Variants in VWC2L observed in about 807,000 individuals in gnomAD.
VWC2L encodes von Willebrand factor C domain-containing protein 2-like.
Under a neutral mutation model 21.6 loss-of-function variants are expected in VWC2L, and 10 were observed. The ratio of observed to expected loss-of-function variants is 0.46; its 90% CI spans 0.29 to 0.78. VWC2L has a LOEUF of 0.78. VWC2L is among the 30% of genes least tolerant of loss of function. The pLI is 0.10. For synonymous variants in VWC2L, 96 were observed against 94.3 expected, an observed-to-expected ratio of 1.02 and a Z score of -0.10; for missense variants, 209 against 277.1, an observed-to-expected ratio of 0.75 and a Z score of 1.74.
chr2:214,467,988 C>T (rs1703244220), intron 3 of VWC2L, among the ~76,000 whole-genome samples: 1 of 151,902 alleles, frequency 6.6e-6, no homozygotes, highest in African/African-American at 2.4e-5. Flanking sequence ...TCAACAAAGA[C>T]AGAAAATAAA....
Position 214,442,456 on chromosome 2 carries a change from T to A in VWC2L, c.520+5698T>A, listed in dbSNP as rs201548288. 4.1e-3 allele frequency among the ~76,000 whole-genome samples: 627 copies of A among 152,274 alleles called. 14 individuals are homozygous for A. Among genetic ancestry groups the A allele is most frequent in the Admixed American group, 0.036 (554 of 15,300 alleles). Reference sequence around the variant, plus strand: ...ATTATTATCTCACTAAAAAATCAAATTAGATTATTTTTAAACCCCTTTTTA... The same window carrying A: ...ATTATTATCTCACTAAAAAATCAAAATAGATTATTTTTAAACCCCTTTTTA... On this transcript the variant is annotated intron_variant, in intron 3 of 3. Transcript: ENST00000312504.
chr2:214,476,089 T>C (rs894240307), intron 3 of VWC2L, among the ~76,000 whole-genome samples: 7 of 152,200 alleles, frequency 4.6e-5, no homozygotes, highest in African/African-American at 1.7e-4. Flanking sequence ...TTTTCTCATG[T>C]GTTATCCAGG....
chr2:214,467,186 T>C lies in VWC2L; in HGVS notation c.520+30428T>C, dbSNP rs79686358. ...AGTATACCCAATACTCTTTTAATCA[T>C]AAGGCTTTCTAATGTAGCTAGCTGG... On this transcript the variant is annotated intron_variant, in intron 3 of 3. Coordinates refer to ENST00000312504, the MANE Select transcript of VWC2L (RefSeq NM_001080500.4). Among the ~76,000 whole-genome samples, 652 of 152,316 alleles carry C rather than the reference T, an allele frequency of 4.3e-3. 4 individuals are homozygous for C. The highest frequency in any genetic ancestry group is 0.011 in the Admixed American group (175 of 15,294).
Position 214,441,405 on chromosome 2 carries a change from T to TA in VWC2L, c.520+4653dup, listed in dbSNP as rs144482684. 3.8e-3 allele frequency among the ~76,000 whole-genome samples: 575 copies of TA among 152,044 alleles called. 8 individuals are homozygous for TA. The highest frequency in any genetic ancestry group is 0.013 in the African/African-American group (560 of 41,536). ...GAAAATGAATTGTCTAATAAATATATAAAAAATATATAATAATCACCAAAT... is the reference window on the plus strand; with the variant it reads ...GAAAATGAATTGTCTAATAAATATATAAAAAAATATATAATAATCACCAAAT... On this transcript the variant is annotated intron_variant, in intron 3 of 3. Coordinates refer to ENST00000312504, the MANE Select transcript of VWC2L (RefSeq NM_001080500.4).
At chr2:214,413,617 C>T (rs770789650) in intron 1 of VWC2L, among the ~76,000 whole-genome samples, 2 of 152,082 alleles carry the variant, frequency 1.3e-5, no homozygotes, top group Non-Finnish European at 2.9e-5. Flanking sequence ...TAGCTCCTTC[C>T]TAAATATAAT....
chr2:214,498,241 G>A (rs1474553107), intron 3 of VWC2L, among the ~76,000 whole-genome samples: 1 of 152,132 alleles, frequency 6.6e-6, no homozygotes, highest in Non-Finnish European at 1.5e-5. Flanking sequence ...TAGGTTCTGG[G>A]CAGCAGCTTC....
At chr2:214,513,447 A>G (rs1574608125) in intron 3 of VWC2L, among the ~76,000 whole-genome samples, 1 of 152,256 alleles carries the variant, frequency 6.6e-6, no homozygotes, top group Middle Eastern at 3.4e-3. Context: ...TTTTACCATT[A>G]GGCTGTTATC....
chr2:214,430,401 T>C (rs1339042027), intron 2 of VWC2L, among the ~76,000 whole-genome samples: 1 of 152,190 alleles, frequency 6.6e-6, no homozygotes, highest in Admixed American at 6.5e-5. Context: ...TTTAAAAACA[T>C]CAAAATATGT....
At chr2:214,567,625 A>G (rs1690088677) in intron 3 of VWC2L, among the ~76,000 whole-genome samples, 1 of 148,526 alleles carries the variant, frequency 6.7e-6, no homozygotes, top group African/African-American at 2.5e-5. Context: ...GATAATTAAA[A>G]CATCATAGCC....
rs186469117 is a variant in VWC2L at position 214,449,998 on chromosome 2, G to A, written c.520+13240G>A. ...ATAATTAGATAGTTGGCAGTGTTGC[G>A]TCCAAATTTTGAAAGCCTCCTGCTC... is the stretch of plus-strand genomic sequence containing the variant. On this transcript the variant is annotated intron_variant, in intron 3 of 3. Transcript: ENST00000312504. Among the ~76,000 whole-genome samples the A allele has an allele frequency of 4.6e-5, 7 of 152,234 alleles. No individual in the cohort carries two copies. In the South Asian group the frequency reaches 6.2e-4, roughly 14 times the overall value.
chr2:214,454,608 T>TTTTC (rs1489804681), intron 3 of VWC2L, among the ~76,000 whole-genome samples: 3 of 133,430 alleles, frequency 2.2e-5, no homozygotes, highest in Non-Finnish European at 4.8e-5. Flanking sequence ...CTTTTTTTTT[T>TTTTC]TTTTTTTTTT....
chr2:214,448,583 A>G (rs1702907554), intron 3 of VWC2L, among the ~76,000 whole-genome samples: 1 of 152,182 alleles, frequency 6.6e-6, no homozygotes, highest in African/African-American at 2.4e-5. Flanking sequence ...TCTAGCTTGA[A>G]CTTTTACTGT....
intron 3 of VWC2L, among the ~76,000 whole-genome samples, chr2:214,483,934 G>C (rs1688641578): frequency 6.6e-6 from 1 of 152,128 alleles, no homozygotes; most frequent in Admixed American, 6.5e-5. Flanking sequence ...GAAGATGGAA[G>C]TCTCAAATGA....
intron 3 of VWC2L, among the ~76,000 whole-genome samples, chr2:214,551,357 A>G (rs1434311633): frequency 6.6e-6 from 1 of 152,192 alleles, no homozygotes; most frequent in African/African-American, 2.4e-5. Context: ...TTGAGCTGTA[A>G]TAAATTTAGT....
At chr2:214,557,271 A>G (rs1689887777) in intron 3 of VWC2L, among the ~76,000 whole-genome samples, 1 of 152,142 alleles carries the variant, frequency 6.6e-6, no homozygotes, top group South Asian at 2.1e-4. Flanking sequence ...GGAGAGAATG[A>G]AAACCAAGCT....
intron 3 of VWC2L, among the ~76,000 whole-genome samples, chr2:214,484,313 C>T (rs4578854): frequency 0.89 from 135,254 of 152,180 alleles, 61,032 homozygotes; most frequent in East Asian, 0.99. Flanking sequence ...AGAAAATCAA[C>T]TAGTCTGAAT....
intron 3 of VWC2L, among the ~76,000 whole-genome samples, chr2:214,466,181 G>A (rs1301079272): frequency 6.6e-6 from 1 of 152,068 alleles, no homozygotes; most frequent in Non-Finnish European, 1.5e-5. Flanking sequence ...AATGACTACT[G>A]GAGGCTTCTA....
intron 3 of VWC2L, among the ~76,000 whole-genome samples, chr2:214,475,323 G>C (rs1041835737): frequency 6.6e-6 from 1 of 152,018 alleles, no homozygotes; most frequent in African/African-American, 2.4e-5. Context: ...ATTTGAACAT[G>C]GATGCATTTG....
At chr2:214,517,649 C>A (rs934206582) in intron 3 of VWC2L, among the ~76,000 whole-genome samples, 1 of 152,072 alleles carries the variant, frequency 6.6e-6, no homozygotes, top group African/African-American at 2.4e-5. Context: ...GGGGTAAAAA[C>A]TAGCAAATAA....
Sources: gnomAD v4.1 joint callset for allele counts (sites outside exome capture counted in the v4.1 genomes callset) on GRCh38, gnomAD v4.1.1 for gene constraint, MANE v1.5 for transcripts, NCBI Gene and HGNC (gene_info 2026-07-23, HGNC 2026-07-21) for gene names.